The following ZFYVE21 variants were observed in gnomAD, a reference collection of about 807,000 sequenced individuals.
ZFYVE21 encodes zinc finger FYVE-type containing 21.
In ZFYVE21, 21 loss-of-function variants were observed where a neutral mutation model predicts 29.5. That is an observed-to-expected ratio of 0.71 (90% CI 0.50 to 1.02). The LOEUF (loss-of-function observed/expected upper bound fraction) is 1.02. Ranked by LOEUF, ZFYVE21 falls within the 50% of genes least tolerant of loss-of-function variation. The pLI is 0.00. For synonymous variants in ZFYVE21, 151 were observed against 133.8 expected (o/e 1.13, Z -0.89); for missense variants, 326 against 335.4 (o/e 0.97, Z 0.22).
intron 1 of ZFYVE21, among the ~76,000 whole-genome samples, chr14:103,719,666 T>A (rs2151950558): frequency 6.6e-6 from 1 of 151,862 alleles, no homozygotes; most frequent in Admixed American, 6.6e-5. Context: ...GGGGGTTTCA[T>A]AATTGTTTCC....
intron 5 of ZFYVE21, chr14:103,729,434 T>A: frequency 1.7e-6 from 1 of 576,294 alleles, no homozygotes; most frequent in Non-Finnish European, 3.1e-6. Flanking sequence ...AATGATTTCC[T>A]CTGCTCTAAA....
chr14:103,715,997 C>G lies in ZFYVE21; in HGVS notation c.138+18C>G, dbSNP rs2083801499. 4 of 1,229,886 alleles carry G rather than the reference C, an allele frequency of 3.3e-6. No individual in the cohort carries two copies. Among genetic ancestry groups the G allele is most frequent in the Middle Eastern group, 6.3e-4 (2 of 3,198 alleles). 76.2% of individuals were successfully genotyped at this position (1,229,886 alleles called of 1,614,324 possible). On this transcript the variant is annotated intron_variant, in intron 1 of 6. Coordinates refer to ENST00000311141, the MANE Select transcript of ZFYVE21 (RefSeq NM_024071.4). ...ACAAGGAGGTGGGTGGCCGTCGCCC[C>G]GGCCAGCGCCTCCGACCCGCCCCGC...
intron 1 of ZFYVE21, among the ~76,000 whole-genome samples, chr14:103,720,794 C>T (rs1002374328): frequency 6.6e-6 from 1 of 152,068 alleles, no homozygotes; most frequent in Non-Finnish European, 1.5e-5. Context: ...GTGTCTGCCG[C>T]ACTGTGGAGG....
In ZFYVE21 at chr14:103,716,063, G is replaced by A. The variant is rs1387551600; in HGVS notation, c.138+84G>A. 4.0e-5 allele frequency: 46 copies of A among 1,141,530 alleles called. No individual in the cohort carries two copies. In the East Asian group the frequency reaches 1.8e-3, roughly 45 times the overall value. 70.7% of individuals were successfully genotyped at this position (1,141,530 alleles called of 1,614,324 possible). A position where few individuals can be genotyped will look rare whatever the true frequency, so the allele number is the denominator to read the frequency against. The stretch of plus-strand genomic sequence containing the variant: ...CCGCGGGCTTCCAGGCTCCCGCGAC[G>A]ACCCCTCCGCCTCCGGGCGGCCCCT... On this transcript the variant is annotated intron_variant, in intron 1 of 6. Coordinates refer to ENST00000311141, the MANE Select transcript of ZFYVE21 (RefSeq NM_024071.4). The surrounding 1 kb of genome is among the most constrained non-coding windows in gnomAD (Gnocchi z 4.8).
At chr14:103,729,893 G>T in intron 5 of ZFYVE21, 1 of 1,530,360 alleles carries the variant, frequency 6.5e-7, no homozygotes, top group Non-Finnish European at 8.7e-7. Flanking sequence ...CAGCGGGCCC[G>T]TTCCTCCCCT....
chr14:103,722,838 C>G (rs1462267843), intron 1 of ZFYVE21, among the ~76,000 whole-genome samples: 1 of 151,880 alleles, frequency 6.6e-6, no homozygotes, highest in Non-Finnish European at 1.5e-5. Context: ...TTCGTAGAGA[C>G]AGGGTCTTGC....
chr14:103,730,429 C>G (rs2083963415), intron 5 of ZFYVE21: 1 of 153,090 alleles, frequency 6.5e-6, no homozygotes, highest in East Asian at 1.9e-4. Context: ...AGGCACCCCT[C>G]TCTGCCTGCC....
chr14:103,732,070 C>A (rs1428668748), intron 5 of ZFYVE21: 9 of 152,368 alleles, frequency 5.9e-5, no homozygotes, highest in Admixed American at 5.9e-4. Flanking sequence ...TGACACTGGG[C>A]CTTTGTAGTG....
chr14:103,718,133 G>A (rs2083843697), intron 1 of ZFYVE21, among the ~76,000 whole-genome samples: 2 of 152,304 alleles, frequency 1.3e-5, no homozygotes, highest in Admixed American at 1.3e-4. Flanking sequence ...TATTTGAGGT[G>A]GTTTGGAATG....
chr14:103,717,558 C>T (rs2083837996), intron 1 of ZFYVE21, among the ~76,000 whole-genome samples: 1 of 152,252 alleles, frequency 6.6e-6, no homozygotes, highest in Non-Finnish European at 1.5e-5. Flanking sequence ...AATTGTTTAG[C>T]ATTTTTCCCT....
rs934411035 is a variant in ZFYVE21, at chr14:103,716,684, T to G, written c.138+705T>G. ...CCCATGGGCCCAGACACGGCAGGAG[T>G]TGCCCAGGCCACTCCTGCAGACATT... On this transcript the variant is annotated intron_variant, in intron 1 of 6. Transcript: ENST00000311141. This position sits in a 1 kb window ranked among gnomAD's most constrained non-coding sequence, Gnocchi z 4.8. Among the ~76,000 whole-genome samples, 1 of 151,920 alleles carries G rather than the reference T, an allele frequency of 6.6e-6. No homozygotes were observed. The highest frequency in any genetic ancestry group is 1.5e-5 in the Non-Finnish European group (1 of 67,942).
At chr14:103,729,991 T>C in intron 5 of ZFYVE21, 2 of 883,606 alleles carry the variant, frequency 2.3e-6, no homozygotes, top group Non-Finnish European at 3.4e-6. Flanking sequence ...TTAAGAGAGA[T>C]GTTGGATCTG....
chr14:103,729,901 C>G (rs568252152), intron 5 of ZFYVE21: 27 of 1,524,472 alleles, frequency 1.8e-5, no homozygotes, highest in African/African-American at 2.7e-5. Flanking sequence ...CCGTTCCTCC[C>G]CTCGCCACCT....
rs955265001 is a variant in ZFYVE21, at chr14:103,726,633, G to A, written c.139-159G>A. ...TTGGCTCTGGAGCCTGGGCACAGGC[G>A]GCCAGTCCACCGTCCTGCGTCACAA... On this transcript the variant is annotated intron_variant, in intron 1 of 6. Coordinates refer to ENST00000311141, the MANE Select transcript of ZFYVE21 (RefSeq NM_024071.4). The A allele has an allele frequency of 3.0e-5, 26 of 876,434 alleles. No homozygotes were observed. The African/African-American group carries it at 3.0e-4, about 10-fold the overall frequency. 54.3% of individuals were successfully genotyped at this position (876,434 alleles called of 1,614,324 possible).
chr14:103,732,823 C>T (rs1428463856), intron 6 of ZFYVE21, 61 bp downstream of exon 6: 3 of 1,600,200 alleles, frequency 1.9e-6, no homozygotes, highest in African/African-American at 1.3e-5. Context: ...TTGCCTTTCC[C>T]AGAGGAAGCT....
rs2083798180 is a variant in ZFYVE21, at chr14:103,715,865, C to T, written c.24C>T (p.Arg8=). ...TCATGTCCTCCGAGGTGTCCGCGCG[C>T]CGCGACGCCAAGAAGCTGGTGCGCT... MSSEVSA[R]RDAKKLVRSP... is the part of the protein sequence containing the mutation. The change falls in exon 1 of 7, where the codon CGC becomes CGT. Residue 8 remains arginine, a synonymous_variant. Coordinates refer to ENST00000311141, the MANE Select transcript of ZFYVE21 (RefSeq NM_024071.4). 1.4e-6 allele frequency: 2 copies of T among 1,428,356 alleles called. No individual in the cohort carries two copies. The highest frequency in any genetic ancestry group is 1.5e-5 in the African/African-American group (1 of 66,936). 88.5% of individuals were successfully genotyped at this position (1,428,356 alleles called of 1,614,324 possible).
chr14:103,727,919 G>A lies in ZFYVE21; in HGVS notation c.358+5G>A, dbSNP rs2151952529. ...AGCTCAAAGTGCTCCTGAGCGGTAA[G>A]GACGGGTGTCCTGCACAGTCCCGCG... On this transcript the variant is annotated splice_donor_5th_base_variant and intron_variant, in intron 3 of 6. Transcript: ENST00000311141. 1 of 1,609,890 alleles carries A rather than the reference G, an allele frequency of 6.2e-7. No individual in the cohort carries two copies. Among genetic ancestry groups the A allele is most frequent in the South Asian group, 1.1e-5 (1 of 90,922 alleles).
At chr14:103,728,007 C>T in intron 3 of ZFYVE21, 93 bp downstream of exon 3, 1 of 1,366,996 alleles carries the variant, frequency 7.3e-7, no homozygotes. Context: ...GGGCGTTCTG[C>T]TTCTCTGACG....
In ZFYVE21 at chr14:103,716,007, C is replaced by A; in HGVS notation, c.138+28C>A. ...GGGTGGCCGTCGCCCCGGCCAGCGC[C>A]TCCGACCCGCCCCGCCGCCCCGGCC... is the stretch of plus-strand genomic sequence containing the variant. On this transcript the variant is annotated intron_variant, in intron 1 of 6. Coordinates refer to ENST00000311141, the MANE Select transcript of ZFYVE21 (RefSeq NM_024071.4). This position sits in a 1 kb window ranked among gnomAD's most constrained non-coding sequence, Gnocchi z 4.8. 1 of 1,208,366 alleles carries A rather than the reference C, an allele frequency of 8.3e-7. No individual in the cohort carries two copies. The highest frequency in any genetic ancestry group is 1.0e-6 in the Non-Finnish European group (1 of 967,694). The allele number at this position is 1,208,366 out of a possible 1,614,324, so 74.9% of individuals were successfully genotyped here. A position where few individuals can be genotyped will look rare whatever the true frequency, so the allele number is the denominator to read the frequency against.
Sources: gnomAD v4.1 joint callset for allele counts (sites outside exome capture counted in the v4.1 genomes callset) on GRCh38, gnomAD v4.1.1 for gene constraint, Gnocchi (gnomAD v3.1) non-coding constraint, MANE v1.5 for transcripts, NCBI Gene and HGNC (gene_info 2026-07-23, HGNC 2026-07-21) for gene names.